ACADL: variants seen among roughly 807,000 people sequenced by gnomAD.
ACADL encodes acyl-CoA dehydrogenase long chain, also known as long-chain specific acyl-CoA dehydrogenase, mitochondrial.
In ACADL, 60 loss-of-function variants were observed where a neutral mutation model predicts 56.9. That is an observed-to-expected ratio of 1.05 (90% CI 0.86 to 1.31). The LOEUF is 1.31. Ranked by LOEUF, ACADL falls within the 50% of genes most tolerant of loss-of-function variation. The pLI is 0.00. For synonymous variants in ACADL, 158 were observed against 179.7 expected (o/e 0.88, Z 0.97); for missense variants, 484 against 525.5 (o/e 0.92, Z 0.77).
intron 4 of ACADL, 71 bp downstream of exon 4, chr2:210,216,276 A>G: frequency 1.3e-6 from 2 of 1,545,410 alleles, no homozygotes; most frequent in Non-Finnish European, 1.8e-6. Context: ...CAGTCTATGT[A>G]TTAACCAAGT....
chr2:210,206,785 A>T (rs781224597), intron 5 of ACADL, among the ~76,000 whole-genome samples: 6 of 151,916 alleles, frequency 3.9e-5, no homozygotes, highest in Admixed American at 3.9e-4. Context: ...TATTTAAGCC[A>T]TGTTTCTTTT....
chr2:210,204,479 A>T (rs1013036129), intron 7 of ACADL, 102 bp downstream of exon 7: 2 of 877,788 alleles, frequency 2.3e-6, no homozygotes, highest in Admixed American at 3.9e-5. Context: ...CAAGTTTTGC[A>T]TGTATAAATT....
intron 7 of ACADL, among the ~76,000 whole-genome samples, 195 bp downstream of exon 7, chr2:210,204,386 A>G (rs947067612): frequency 6.6e-6 from 1 of 152,224 alleles, no homozygotes; most frequent in African/African-American, 2.4e-5. Flanking sequence ...ATTGGATATT[A>G]CTGAGTTCAG....
At chr2:210,217,772 A>T (rs966957277) in intron 3 of ACADL, 193 bp downstream of exon 3, 1 of 664,206 alleles carries the variant, frequency 1.5e-6, no homozygotes, top group African/African-American at 1.8e-5. Flanking sequence ...ACTTAAAAGG[A>T]TTTTCTTATT....
chr2:210,196,218 TA>T (rs1168834806), intron 8 of ACADL, among the ~76,000 whole-genome samples: 1 of 152,094 alleles, frequency 6.6e-6, no homozygotes, highest in African/African-American at 2.4e-5. Flanking sequence ...CCGCCATGAT[TA>T]TGAGGCCTCC....
chr2:210,191,387 A>G (rs1244316866), intron 10 of ACADL, among the ~76,000 whole-genome samples: 1 of 152,198 alleles, frequency 6.6e-6, no homozygotes, highest in Non-Finnish European at 1.5e-5. Context: ...ATCAATCTAC[A>G]TTGTTTGCTT....
chr2:210,208,305 G>T (rs1688922974), intron 5 of ACADL, among the ~76,000 whole-genome samples: 1 of 152,222 alleles, frequency 6.6e-6, no homozygotes, highest in South Asian at 2.1e-4. Flanking sequence ...ATCAAGTGGA[G>T]TTCTCCAGAA....
At chr2:210,198,936 T>G (rs914687827) in intron 8 of ACADL, among the ~76,000 whole-genome samples, 4 of 152,092 alleles carry the variant, frequency 2.6e-5, no homozygotes, top group South Asian at 4.1e-4. Context: ...TATTGCTACA[T>G]CCATACGTAG....
chr2:210,204,345 T>C (rs774464761), intron 7 of ACADL, among the ~76,000 whole-genome samples: 1 of 152,206 alleles, frequency 6.6e-6, no homozygotes, highest in Non-Finnish European at 1.5e-5. Context: ...AACTGAAATA[T>C]CTGTTTTTCC....
chr2:210,191,109 C>T (rs969912108), intron 10 of ACADL, among the ~76,000 whole-genome samples: 5 of 151,924 alleles, frequency 3.3e-5, no homozygotes, highest in African/African-American at 9.7e-5. Context: ...AATGGTGTTT[C>T]GCCATTTTGC....
At chr2:210,224,649 C>T (rs2125721007) in intron 1 of ACADL, 1 of 985,766 alleles carries the variant, frequency 1.0e-6, no homozygotes, top group Middle Eastern at 5.2e-4. Context: ...GAACCCTCGC[C>T]AGGTCATTTC....
intron 2 of ACADL, among the ~76,000 whole-genome samples, chr2:210,219,711 T>C (rs1412700414): frequency 6.6e-6 from 1 of 152,208 alleles, no homozygotes; most frequent in East Asian, 1.9e-4. Context: ...TTTTTACTTA[T>C]GATGGTGCAA....
Position 210,225,215 on chromosome 2 carries a change from G to A in ACADL, c.49C>T (p.Arg17Cys). ...GCGGCGGGCAGCTGGCGCGGCGCAC[G>A]GTGGCCGCCCAGGACGCGTAGGGAC... ...RGSLRVLGGHRAPRQLPAARC... is the reference protein window; with the variant it reads ...RGSLRVLGGHCAPRQLPAARC... Residue 17 changes from arginine to cysteine, a missense_variant, in exon 1 of 11, where the codon CGT (arginine) becomes TGT (cysteine). Arg to Cys is a radical substitution (Grantham distance 180, BLOSUM62 -3). Coordinates refer to ENST00000233710, the MANE Select transcript of ACADL (RefSeq NM_001608.4). 6.5e-7 allele frequency: 1 copy of A among 1,544,628 alleles called. No individual in the cohort carries two copies. Among genetic ancestry groups the A allele is most frequent in the Non-Finnish European group, 8.7e-7 (1 of 1,151,062 alleles).
At chr2:210,189,552 C>G (rs760501673) in intron 10 of ACADL, among the ~76,000 whole-genome samples, 29 of 152,028 alleles carry the variant, frequency 1.9e-4, no homozygotes, top group Non-Finnish European at 2.8e-4. Flanking sequence ...ATATTATTTC[C>G]CAGAAAGTTA....
intron 2 of ACADL, 85 bp from the exon 3 acceptor site, chr2:210,218,187 G>A (rs1487324376): frequency 7.9e-7 from 1 of 1,269,550 alleles, no homozygotes; most frequent in African/African-American, 1.5e-5. Context: ...ATGATTTTGT[G>A]TAGAAATGCA....
intron 1 of ACADL, among the ~76,000 whole-genome samples, chr2:210,223,493 C>G (rs1689211213): frequency 2.6e-5 from 4 of 152,096 alleles, no homozygotes; most frequent in Admixed American, 2.6e-4. Context: ...AACAAGATTC[C>G]CAGGTGATTC....
chr2:210,212,410 C>T lies in ACADL; in HGVS notation c.537-2148G>A, dbSNP rs1250993366. On this transcript the variant is annotated intron_variant, in intron 4 of 10. Coordinates refer to ENST00000233710, the MANE Select transcript of ACADL (RefSeq NM_001608.4). ...AAAGGCAAAGACTGCAGTGACGAGG[C>T]AACAAGGCAAGGAACGCCAACAGCC... Among the ~76,000 whole-genome samples, 5 of 152,148 alleles carry T rather than the reference C, an allele frequency of 3.3e-5. No homozygotes were observed. The East Asian group carries it at 7.7e-4, about 24-fold the overall frequency.
intron 10 of ACADL, among the ~76,000 whole-genome samples, chr2:210,190,417 C>G (rs2125707573): frequency 6.6e-6 from 1 of 152,146 alleles, no homozygotes; most frequent in Non-Finnish European, 1.5e-5. Context: ...TGTAAATGGG[C>G]TAGGCTTCTT....
rs1688575365 is a variant in ACADL at position 210,188,096 on chromosome 2, C to T, written c.*865G>A. The T allele has an allele frequency of 6.6e-6, 1 of 152,056 alleles. No individual in the cohort carries two copies. Among genetic ancestry groups the T allele is most frequent in the Non-Finnish European group, 1.5e-5 (1 of 67,996 alleles). 9.4% of individuals were successfully genotyped at this position (152,056 alleles called of 1,614,324 possible). ...TTATTTTACTACTTATTTGTTTATT[C>T]ACTTATTTTTTAGTGATCTTGCCAG... On this transcript the variant is annotated 3_prime_UTR_variant, in exon 11 of 11. Coordinates refer to ENST00000233710, the MANE Select transcript of ACADL (RefSeq NM_001608.4).
Sources: allele counts gnomAD v4.1 joint callset (sites outside exome capture counted in the v4.1 genomes callset), GRCh38; gene constraint gnomAD v4.1.1; transcripts MANE v1.5; gene names NCBI Gene and HGNC (gene_info 2026-07-23, HGNC 2026-07-21).